The following SLC12A7 variants were observed in gnomAD, a reference collection of about 807,000 sequenced individuals.
SLC12A7 encodes the protein K-Cl cotransporter 4.
In SLC12A7, 100 loss-of-function variants were observed where a neutral mutation model predicts 120.6. The ratio of observed to expected loss-of-function variants is 0.83; its 90% CI spans 0.71 to 0.98. The LOEUF (loss-of-function observed/expected upper bound fraction) is 0.98, where lower values mean the gene tolerates loss of function less well. Among genes scored for constraint, SLC12A7 ranks in the 50% least tolerant of loss-of-function variants. The pLI, the probability that SLC12A7 is intolerant of heterozygous loss-of-function variation, is 0.00. For missense variants in SLC12A7, 1,373 were observed against 1,548.1 expected, an observed-to-expected ratio of 0.89 and a Z score of 1.90; for synonymous variants, 760 against 678.0, an observed-to-expected ratio of 1.12 and a Z score of -1.88.
At chr5:1,059,523 C>T (rs1349007684) in intron 21 of SLC12A7, among the ~76,000 whole-genome samples, 2 of 152,306 alleles carry the variant, frequency 1.3e-5, no homozygotes, top group South Asian at 2.1e-4. Context: ...CCCATGAGGC[C>T]GTGACCTCAC....
chr5:1,065,636 G>A (rs183587040), intron 17 of SLC12A7, among the ~76,000 whole-genome samples, 158 bp from the exon 18 acceptor site: 3 of 152,236 alleles, frequency 2.0e-5, no homozygotes, highest in South Asian at 2.1e-4. Context: ...GCTCCCGGCC[G>A]CTGTGTGTGT....
rs777603813 is a variant in SLC12A7 at position 1,065,446 on chromosome 5, G to A, written c.2274C>T (p.Thr758=). The A allele has an allele frequency of 6.2e-7, 1 of 1,609,338 alleles. No homozygotes were observed. Among genetic ancestry groups the A allele is most frequent in the Non-Finnish European group, 8.5e-7 (1 of 1,177,910 alleles). ...AGACCACCAGCTGGCAGAAGCCCTTGGTCTTCTCTGTGCTCATTAGGGACC... is the reference window on the plus strand; with the variant it reads ...AGACCACCAGCTGGCAGAAGCCCTTAGTCTTCTCTGTGCTCATTAGGGACC... ...NIRSLMSTEK[T]KGFCQLVVSS... Residue 758 remains threonine, a synonymous_variant, in exon 18 of 24, where the codon ACC becomes ACT. Coordinates refer to ENST00000264930, the MANE Select transcript of SLC12A7 (RefSeq NM_006598.3).
intron 5 of SLC12A7, among the ~76,000 whole-genome samples, chr5:1,087,313 C>T (rs1244477097): frequency 6.6e-6 from 1 of 152,224 alleles, no homozygotes; most frequent in East Asian, 1.9e-4. Flanking sequence ...GAGGCCCCAG[C>T]AGGTCCCAGA....
chr5:1,094,236 G>C lies in SLC12A7; in HGVS notation c.137C>G (p.Pro46Arg). 1.9e-6 allele frequency: 3 copies of C among 1,612,988 alleles called. 1 individual carries two copies. Among genetic ancestry groups the C allele is most frequent in the Non-Finnish European group, 2.5e-6 (3 of 1,179,310 alleles). Reference protein sequence around the residue: ...PERPSPGDGNPRENSPFLNNV... With the variant: ...PERPSPGDGNRRENSPFLNNV... ...GTTGAGGAATGGGCTGTTTTCTCTTGGATTTCCATCTCCTAGTGAGGGAAA... is the reference window on the plus strand; with the variant it reads ...GTTGAGGAATGGGCTGTTTTCTCTTCGATTTCCATCTCCTAGTGAGGGAAA... Residue 46 changes from proline (P) to arginine (R), a missense_variant, in exon 2 of 24, where the codon CCA (proline) becomes CGA (arginine). Coordinates refer to ENST00000264930, the MANE Select transcript of SLC12A7 (RefSeq NM_006598.3).
chr5:1,081,946 G>A lies in SLC12A7; in HGVS notation c.1130-202C>T, dbSNP rs1739172198. Reference sequence around the variant, plus strand: ...TGCCTGTCTGCGTCTACGGAGGGAAGGTCAGCACTAAAGAGAAGCCTCATG... The same window carrying A: ...TGCCTGTCTGCGTCTACGGAGGGAAAGTCAGCACTAAAGAGAAGCCTCATG... On this transcript the variant is annotated intron_variant, in intron 8 of 23. Coordinates refer to ENST00000264930, the MANE Select transcript of SLC12A7 (RefSeq NM_006598.3). Among the ~76,000 whole-genome samples, 3 of 152,262 alleles carry A rather than the reference G, an allele frequency of 2.0e-5. No individual in the cohort carries two copies. In the South Asian group the frequency reaches 6.2e-4, roughly 31 times the overall value.
rs767297027 is a variant in SLC12A7, at chr5:1,084,002, G to T, written c.918-46C>A. The T allele has an allele frequency of 5.2e-6, 8 of 1,549,128 alleles. No homozygotes were observed. The Admixed American group carries it at 1.4e-4, about 26-fold the overall frequency. On this transcript the variant is annotated intron_variant, in intron 7 of 23. Coordinates refer to ENST00000264930, the MANE Select transcript of SLC12A7 (RefSeq NM_006598.3). ...CGGCACGTGTGCTGCCACCGAAGTG[G>T]CTTTTACTGCCCCACCCAGCTCCCC... is the stretch of plus-strand genomic sequence containing the variant.
chr5:1,081,455 G>A (rs895230135), intron 9 of SLC12A7, 122 bp downstream of exon 9: 6 of 1,019,220 alleles, frequency 5.9e-6, no homozygotes, highest in Admixed American at 5.4e-5. Flanking sequence ...TCTAGGAGTT[G>A]AGGCTGCAGT....
At chr5:1,142,002 G>T in the SLC12A7 span, among the ~76,000 whole-genome samples, 1 of 151,916 alleles carries the variant, frequency 6.6e-6, no homozygotes, top group African/African-American at 2.4e-5. Flanking sequence ...CCTCTTCCCT[G>T]CAGCCCTGCA....
intron 22 of SLC12A7, among the ~76,000 whole-genome samples, chr5:1,055,217 T>C (rs554366394): frequency 1.3e-5 from 2 of 152,284 alleles, no homozygotes; most frequent in South Asian, 2.1e-4. Flanking sequence ...TACACTATCA[T>C]GTACAAACAG....
chr5:1,105,150 AC>A (rs1742397866), intron 1 of SLC12A7, among the ~76,000 whole-genome samples: 1 of 140,872 alleles, frequency 7.1e-6, no homozygotes, highest in African/African-American at 2.7e-5. Context: ...GCAGTCACCC[AC>A]CAGTCAAAAG....
intron 17 of SLC12A7, among the ~76,000 whole-genome samples, chr5:1,070,015 C>G (rs1737508292): frequency 2.6e-5 from 1 of 38,566 alleles, no homozygotes. Context: ...GCCCCCAGCA[C>G]ACGGGCATCA....
chr5:1,082,252 T>C (rs1739241203), intron 8 of SLC12A7, among the ~76,000 whole-genome samples: 1 of 144,004 alleles, frequency 6.9e-6, no homozygotes. Flanking sequence ...GGGCTTCCTC[T>C]CTAGGGTTCT....
At chr5:1,133,669 G>A in the SLC12A7 span, among the ~76,000 whole-genome samples, 2 of 152,176 alleles carry the variant, frequency 1.3e-5, no homozygotes, top group African/African-American at 2.4e-5. Flanking sequence ...TGTCAGAGAC[G>A]GGAGGCTGGA....
the SLC12A7 span, among the ~76,000 whole-genome samples, chr5:1,143,085 G>T: frequency 6.6e-6 from 1 of 152,154 alleles, no homozygotes; most frequent in Non-Finnish European, 1.5e-5. Context: ...CCTTCCCTGA[G>T]GGCCCCAACA....
intron 5 of SLC12A7, among the ~76,000 whole-genome samples, chr5:1,087,814 ATCATC>A (rs1475732734): frequency 1.3e-5 from 2 of 150,634 alleles, no homozygotes; most frequent in Admixed American, 7.1e-5. Context: ...AATTAACAGT[ATCATC>A]TCAGTTTACT....
At chr5:1,147,761 T>A in the SLC12A7 span, among the ~76,000 whole-genome samples, 7 of 152,188 alleles carry the variant, frequency 4.6e-5, no homozygotes, top group South Asian at 1.5e-3. Context: ...ATTACTTTTT[T>A]GAGACAGGGT....
At chr5:1,105,286 G>A (rs1271429922) in intron 1 of SLC12A7, among the ~76,000 whole-genome samples, 1 of 141,342 alleles carries the variant, frequency 7.1e-6, no homozygotes, top group Non-Finnish European at 1.5e-5. Context: ...GTTAGGTCCT[G>A]CAGTCACCCA....
chr5:1,081,076 AC>A (rs1434565447), intron 9 of SLC12A7, among the ~76,000 whole-genome samples: 1 of 15,050 alleles, frequency 6.6e-5, no homozygotes, highest in East Asian at 0.013. Context: ...AGAGAGAGAG[AC>A]AGACAGAGAG....
the SLC12A7 span, among the ~76,000 whole-genome samples, chr5:1,147,324 G>T: frequency 1.0e-4 from 14 of 136,186 alleles, no homozygotes; most frequent in Non-Finnish European, 1.4e-4. Context: ...ATCCAAAGAC[G>T]GCAGAACAGA....
Sources: allele counts gnomAD v4.1 joint callset (sites outside exome capture counted in the v4.1 genomes callset), GRCh38; gene constraint gnomAD v4.1.1; transcripts MANE v1.5; gene names NCBI Gene and HGNC (gene_info 2026-07-23, HGNC 2026-07-21).